Variants in SEMA6D observed in about 807,000 individuals in gnomAD.
SEMA6D encodes semaphorin 6D.
A neutral mutation model predicts 106.6 loss-of-function variants in SEMA6D; 35 were observed. The ratio of observed to expected loss-of-function variants is 0.33; its 90% confidence interval spans 0.25 to 0.44. SEMA6D has a LOEUF of 0.44. Among genes scored for constraint, SEMA6D ranks in the 20% least tolerant of loss-of-function variants. The pLI, the probability that SEMA6D is intolerant of heterozygous loss-of-function variation, is 1.00. For synonymous variants in SEMA6D, 499 were observed against 487.7 expected, an observed-to-expected ratio of 1.02 and a Z score of -0.31; for missense variants, 1,185 against 1,345.9, an observed-to-expected ratio of 0.88 and a Z score of 1.87.
chr15:47,228,619 T>G (rs2031978851), intron 1 of SEMA6D, among the ~76,000 whole-genome samples: 1 of 151,982 alleles, frequency 6.6e-6, no homozygotes, highest in South Asian at 2.1e-4. Context: ...CTTTGACATA[T>G]TTGAGTTTAT....
intron 1 of SEMA6D, among the ~76,000 whole-genome samples, chr15:47,405,438 C>G (rs539442839): frequency 6.6e-6 from 1 of 152,100 alleles, no homozygotes; most frequent in African/African-American, 2.4e-5. Flanking sequence ...CCCCCCAAAC[C>G]CATTCCACTA....
Position 47,577,703 on chromosome 15 carries a change from G to A in SEMA6D, c.-86-23162G>A, listed in dbSNP as rs944624422. ...GATTGAGGAATGATGGCTAAAATTA[G>A]TTTTTGCTTTCCCTCCCTTACCATT... On this transcript the variant is annotated intron_variant, in intron 3 of 19. Coordinates refer to the SEMA6D transcript ENST00000558014. Among the ~76,000 whole-genome samples, 10 of 152,152 alleles carry A rather than the reference G, an allele frequency of 6.6e-5. 1 individual carries two copies. The highest frequency in any genetic ancestry group is 4.6e-4 in the Admixed American group (7 of 15,272).
At position 47,759,751 on chromosome 15, in the gene SEMA6D, CA is replaced by C. The variant is rs745716696; in HGVS notation, c.-47del. On this transcript the variant is annotated 5_prime_UTR_variant, in exon 2 of 19. Transcript: ENST00000536845. ...AACTGCTTCTGTTTTCCAGGTAGCT[CA>C]GTGGCATTTCTGAGCAGGGGCCACC... 1 of 1,326,440 alleles carries C rather than the reference CA, an allele frequency of 7.5e-7. No homozygotes were observed. Among genetic ancestry groups the C allele is most frequent in the Admixed American group, 1.7e-5 (1 of 59,504 alleles). The allele number at this position is 1,326,440 out of a possible 1,614,324, so 82.2% of individuals were successfully genotyped here.
chr15:47,770,103 C>G (rs180715328), intron 18 of SEMA6D, among the ~76,000 whole-genome samples: 42 of 152,196 alleles, frequency 2.8e-4, no homozygotes, highest in African/African-American at 9.6e-4. Flanking sequence ...TAGTAGCTAC[C>G]TTTTAATCCT....
At chr15:47,293,793 A>G (rs1484922621) in intron 1 of SEMA6D, among the ~76,000 whole-genome samples, 2 of 152,198 alleles carry the variant, frequency 1.3e-5, no homozygotes, top group African/African-American at 4.8e-5. Flanking sequence ...GATGGCAGGA[A>G]TGCACAATTT....
chr15:47,721,847 T>C (rs2079440431), intron 1 of SEMA6D, among the ~76,000 whole-genome samples: 1 of 152,028 alleles, frequency 6.6e-6, no homozygotes, highest in Non-Finnish European at 1.5e-5. Context: ...CTTCTGCCAT[T>C]CTCTCTGCTT....
At chr15:47,557,680 G>A (rs1290892011) in intron 3 of SEMA6D, among the ~76,000 whole-genome samples, 3 of 152,154 alleles carry the variant, frequency 2.0e-5, no homozygotes, top group African/African-American at 2.4e-5. Context: ...CTGGGTTTTG[G>A]TTAGGGAAAT....
At chr15:47,577,735 C>G (rs759248998) in intron 3 of SEMA6D, among the ~76,000 whole-genome samples, 1 of 152,202 alleles carries the variant, frequency 6.6e-6, no homozygotes, top group Non-Finnish European at 1.5e-5. Context: ...CATTAGCAGA[C>G]AGTCTGCCGC....
At chr15:47,295,027 A>G (rs2035749283) in intron 1 of SEMA6D, among the ~76,000 whole-genome samples, 1 of 152,220 alleles carries the variant, frequency 6.6e-6, no homozygotes, top group Admixed American at 6.5e-5. Context: ...CTAGGCTTTA[A>G]CAGAGTAGGG....
At chr15:47,302,457 T>C (rs1326842883) in intron 1 of SEMA6D, among the ~76,000 whole-genome samples, 1 of 152,168 alleles carries the variant, frequency 6.6e-6, no homozygotes, top group African/African-American at 2.4e-5. Context: ...GTTCCCAAAA[T>C]ATGTCCACAT....
chr15:47,362,362 A>G (rs1311488138), intron 1 of SEMA6D, among the ~76,000 whole-genome samples: 1 of 152,214 alleles, frequency 6.6e-6, no homozygotes, highest in East Asian at 1.9e-4. Flanking sequence ...TTCCATAGCA[A>G]GAATGGAGAT....
intron 1 of SEMA6D, among the ~76,000 whole-genome samples, chr15:47,334,698 A>G (rs1186147810): frequency 6.6e-6 from 1 of 152,198 alleles, no homozygotes. Flanking sequence ...TGTGGTTTGG[A>G]AAGAAAAAGG....
chr15:47,662,252 G>A (rs1020584955), intron 4 of SEMA6D, among the ~76,000 whole-genome samples: 4 of 151,998 alleles, frequency 2.6e-5, no homozygotes, highest in Non-Finnish European at 5.9e-5. Context: ...ACACACATTG[G>A]CAGTCAGAAT....
intron 3 of SEMA6D, among the ~76,000 whole-genome samples, chr15:47,552,891 A>AATATATATATATTTAT (rs71118186): frequency 2.8e-5 from 1 of 35,282 alleles, no homozygotes; most frequent in Non-Finnish European, 5.0e-5. Context: ...AATATATATA[A>AATATATATATATTTAT]ATATATATAT....
At chr15:47,424,382 A>G in intron 2 of SEMA6D, among the ~76,000 whole-genome samples, 1 of 152,112 alleles carries the variant, frequency 6.6e-6, no homozygotes, top group East Asian at 1.9e-4. Flanking sequence ...GAAAAGAAAA[A>G]ATTAATTGTG....
chr15:47,418,700 G>A (rs1245976270), intron 2 of SEMA6D, among the ~76,000 whole-genome samples: 1 of 152,056 alleles, frequency 6.6e-6, no homozygotes, highest in African/African-American at 2.4e-5. Flanking sequence ...AGGGTGGGTA[G>A]GGAAGGCATA....
chr15:47,574,626 T>A (rs939674970), intron 3 of SEMA6D, among the ~76,000 whole-genome samples: 1 of 152,174 alleles, frequency 6.6e-6, no homozygotes, highest in Non-Finnish European at 1.5e-5. Context: ...CAGTTATCTT[T>A]TGAGACCAAA....
intron 4 of SEMA6D, among the ~76,000 whole-genome samples, chr15:47,661,435 G>A (rs1174635140): frequency 6.6e-6 from 1 of 152,128 alleles, no homozygotes; most frequent in Non-Finnish European, 1.5e-5. Context: ...TGATACCTTG[G>A]CACTGCTCTG....
rs1016191783 is a variant in SEMA6D at position 47,717,674 on chromosome 15, C to G, written c.-73C>G. The G allele has an allele frequency of 2.0e-5, 3 of 151,068 alleles. No homozygotes were observed. The highest frequency in any genetic ancestry group is 7.3e-5 in the African/African-American group (3 of 40,924). 9.4% of individuals were successfully genotyped at this position (151,068 alleles called of 1,614,324 possible). On this transcript the variant is annotated 5_prime_UTR_variant, in exon 1 of 19. Transcript: ENST00000536845. Reference sequence around the variant, plus strand: ...TTTTTTTTCTTTTTCTTTTTTCTTACCAGCCTCCCCCCAATGAGGTAAGAC... The same window carrying G: ...TTTTTTTTCTTTTTCTTTTTTCTTAGCAGCCTCCCCCCAATGAGGTAAGAC...
Sources: allele counts gnomAD v4.1 joint callset (sites outside exome capture counted in the v4.1 genomes callset), GRCh38; gene constraint gnomAD v4.1.1; transcripts MANE v1.5; gene names NCBI Gene and HGNC (gene_info 2026-07-23, HGNC 2026-07-21).